Variants in SYT10 observed in about 807,000 individuals in gnomAD.
The protein encoded by SYT10 is synaptotagmin 10.
In SYT10, 31 loss-of-function variants were observed where a neutral mutation model predicts 51.1. The observed-to-expected ratio is 0.61, with a 90% CI of 0.46 to 0.82. The LOEUF (loss-of-function observed/expected upper bound fraction) is 0.82, where lower values mean the gene tolerates loss of function less well. Ranked by LOEUF, SYT10 falls within the 40% of genes least tolerant of loss-of-function variation. The pLI is 0.00. For synonymous variants in SYT10, 233 were observed against 225.9 expected (o/e 1.03, Z -0.28); for missense variants, 603 against 634.0 (o/e 0.95, Z 0.53).
chr12:33,398,499 C>T (rs766369397), intron 3 of SYT10, among the ~76,000 whole-genome samples: 1 of 151,788 alleles, frequency 6.6e-6, no homozygotes, highest in African/African-American at 2.4e-5. Flanking sequence ...GGTGACAGAC[C>T]GAAACTCTGT....
intron 1 of SYT10, among the ~76,000 whole-genome samples, chr12:33,430,467 T>C (rs534069994): frequency 1.3e-5 from 2 of 152,198 alleles, no homozygotes; most frequent in Non-Finnish European, 2.9e-5. Flanking sequence ...AATTACCTAC[T>C]ACCCATGCAG....
intron 5 of SYT10, among the ~76,000 whole-genome samples, chr12:33,381,758 C>CA (rs1190201126): frequency 6.6e-6 from 1 of 152,046 alleles, no homozygotes; most frequent in Non-Finnish European, 1.5e-5. Context: ...GCAATGTTTT[C>CA]ATGAAAGCAG....
intron 1 of SYT10, among the ~76,000 whole-genome samples, chr12:33,428,735 T>G (rs980045398): frequency 6.6e-6 from 1 of 151,932 alleles, no homozygotes; most frequent in South Asian, 2.1e-4. Flanking sequence ...TGAAACTCCG[T>G]CTCTACTAAA....
At position 33,375,340 on chromosome 12, in the gene SYT10, A is replaced by G. The variant is rs982264370; in HGVS notation, c.*1490T>C. The G allele has an allele frequency of 1.3e-5, 2 of 152,042 alleles. No individual in the cohort carries two copies. Among genetic ancestry groups the G allele is most frequent in the African/African-American group, 4.8e-5 (2 of 41,434 alleles). The allele number at this position is 152,042 out of a possible 1,614,324, so 9.4% of individuals were successfully genotyped here. A position where few individuals can be genotyped will look rare whatever the true frequency, so the allele number is the denominator to read the frequency against. ...TTTTTTAATATTTAGAAATAATGGG[A>G]TTTTACAAAAATAAAAATTTCATAA... On this transcript the variant is annotated 3_prime_UTR_variant, in exon 7 of 7. Transcript: ENST00000228567.
At chr12:33,435,070 T>C (rs1866627472) in intron 1 of SYT10, among the ~76,000 whole-genome samples, 1 of 152,174 alleles carries the variant, frequency 6.6e-6, no homozygotes, top group Admixed American at 6.5e-5. Context: ...ATTTTGTATT[T>C]AAAAAAGCTT....
chr12:33,396,408 T>C (rs1866256132), intron 3 of SYT10, among the ~76,000 whole-genome samples: 1 of 152,148 alleles, frequency 6.6e-6, no homozygotes, highest in African/African-American at 2.4e-5. Flanking sequence ...GTTTATATAA[T>C]TAATGGTCAC....
chr12:33,425,343 T>C (rs915358082), intron 2 of SYT10, among the ~76,000 whole-genome samples: 4 of 152,158 alleles, frequency 2.6e-5, no homozygotes, highest in African/African-American at 9.6e-5. Context: ...GCCATTTGTT[T>C]TAAGAACTGA....
chr12:33,417,278 T>C (rs1475519485), intron 2 of SYT10, among the ~76,000 whole-genome samples: 1 of 152,040 alleles, frequency 6.6e-6, no homozygotes, highest in Non-Finnish European at 1.5e-5. Flanking sequence ...AATGGATTAA[T>C]GAGTTAATAG....
Position 33,382,435 on chromosome 12 carries a change from A to G in SYT10, c.1284T>C (p.Pro428=). 1 of 1,613,478 alleles carries G rather than the reference A, an allele frequency of 6.2e-7. No homozygotes were observed. Among genetic ancestry groups the G allele is most frequent in the Non-Finnish European group, 8.5e-7 (1 of 1,179,656 alleles). Residue 428 remains proline, a synonymous_variant, in exon 5 of 7, where the codon CCT becomes CCC. Transcript: ENST00000228567. ...CAAAAATAATGGCCTCATTGTACAC[A>G]GGGTTTAGAGTGTTTTTCTTTGTAG... The part of the protein sequence containing the change: ...KTTTKKNTLN[P]VYNEAIIFDI...
intron 2 of SYT10, among the ~76,000 whole-genome samples, chr12:33,409,639 G>A (rs1390084917): frequency 6.6e-6 from 1 of 151,322 alleles, no homozygotes; most frequent in African/African-American, 2.4e-5. Context: ...TCAGTCTTCC[G>A]AGTAGCTGGG....
intron 2 of SYT10, among the ~76,000 whole-genome samples, chr12:33,417,329 A>G (rs1026143317): frequency 3.0e-4 from 45 of 152,114 alleles, no homozygotes; most frequent in African/African-American, 1.1e-3. Context: ...TGGCTTTATA[A>G]GAAGAGGAAG....
chr12:33,413,881 A>T (rs1866430162), intron 2 of SYT10, among the ~76,000 whole-genome samples: 1 of 152,202 alleles, frequency 6.6e-6, no homozygotes, highest in South Asian at 2.1e-4. Flanking sequence ...TAAAAGACAC[A>T]GACTGGCTAA....
At chr12:33,439,102 G>T (rs1247070493) in intron 1 of SYT10, among the ~76,000 whole-genome samples, 1 of 152,268 alleles carries the variant, frequency 6.6e-6, no homozygotes, top group African/African-American at 2.4e-5. Flanking sequence ...GGAGAGGCGC[G>T]GCGAGGCTGG....
chr12:33,389,230 T>A (rs1315670402), intron 3 of SYT10, among the ~76,000 whole-genome samples: 5 of 152,154 alleles, frequency 3.3e-5, no homozygotes, highest in African/African-American at 2.4e-5. Flanking sequence ...GTTGGTGACA[T>A]GAAAGGGTGG....
At chr12:33,402,673 G>C (rs1309075027) in intron 3 of SYT10, among the ~76,000 whole-genome samples, 1 of 152,092 alleles carries the variant, frequency 6.6e-6, no homozygotes, top group Non-Finnish European at 1.5e-5. Flanking sequence ...AAAGTTATTT[G>C]AATCAAATGC....
chr12:33,380,088 C>T lies in SYT10; in HGVS notation c.1371-127G>A, dbSNP rs74944663. 0.014 allele frequency: 13,802 copies of T among 957,496 alleles called. 1,295 individuals carry two copies. In the African/African-American group the frequency reaches 0.2, roughly 14 times the overall value. The allele number at this position is 957,496 out of a possible 1,614,324, so 59.3% of individuals were successfully genotyped here. A position where few individuals can be genotyped will look rare whatever the true frequency, so the allele number is the denominator to read the frequency against. On this transcript the variant is annotated intron_variant, in intron 5 of 6. Coordinates refer to ENST00000228567, the MANE Select transcript of SYT10 (RefSeq NM_198992.4). The stretch of plus-strand genomic sequence containing the variant: ...TTCTGTAATTTTGCAGATTATGCTA[C>T]TTCAGACCGAATGAAATCTCTTAAG...
intron 1 of SYT10, among the ~76,000 whole-genome samples, chr12:33,433,236 T>C (rs562617280): frequency 6.6e-6 from 1 of 152,222 alleles, no homozygotes; most frequent in South Asian, 2.1e-4. Flanking sequence ...AAGGTTCAGT[T>C]TGATAGATTC....
rs767273310 is a variant in SYT10, at chr12:33,426,257, T to C, written c.390A>G (p.Ala130=). 1.9e-6 allele frequency: 3 copies of C among 1,614,086 alleles called. No homozygotes were observed. The highest frequency in any genetic ancestry group is 2.5e-6 in the Non-Finnish European group (3 of 1,180,048). The change falls in exon 2 of 7, where the codon GCA becomes GCG. Residue 130 remains alanine, a synonymous_variant. Transcript: ENST00000228567. ...CAGGGGAAGTGTGGCTGATTTTTAT[T>C]GCAGGCTCAATAGCTTTTACGGCTG... ...EKPAVKAIEP[A]IKISHTSPDI...
intron 2 of SYT10, among the ~76,000 whole-genome samples, chr12:33,416,743 AC>A (rs1477000147): frequency 3.9e-5 from 6 of 152,076 alleles, no homozygotes; most frequent in Non-Finnish European, 7.4e-5. Context: ...AACACTTCCT[AC>A]CTTTTCAGGT....
Sources: gnomAD v4.1 joint callset for allele counts (sites outside exome capture counted in the v4.1 genomes callset) on GRCh38, gnomAD v4.1.1 for gene constraint, MANE v1.5 for transcripts, NCBI Gene and HGNC (gene_info 2026-07-23, HGNC 2026-07-21) for gene names.